The following CCAR1 variants were observed in gnomAD, a reference collection of about 807,000 sequenced individuals.
The protein encoded by CCAR1 is cell division cycle and apoptosis regulator protein 1.
Under a neutral mutation model 163.8 loss-of-function variants are expected in CCAR1, and 78 were observed. The observed-to-expected ratio is 0.48, with a 90% CI of 0.40 to 0.57. CCAR1 has a LOEUF of 0.57. CCAR1 is among the 20% of genes least tolerant of loss of function. The probability of loss-of-function intolerance (pLI) is 0.00; values close to 1 mark genes in which losing one functional copy is unlikely to be tolerated. For synonymous variants in CCAR1, 443 were observed against 460.7 expected (o/e 0.96, Z 0.49); for missense variants, 1,019 against 1,365.2 (o/e 0.75, Z 4.00).
At chr10:68,773,176 T>C in intron 19 of CCAR1, 77 bp downstream of exon 19, 2 of 736,090 alleles carry the variant, frequency 2.7e-6, no homozygotes, top group Non-Finnish European at 4.5e-6. Context: ...TTCACTGAAA[T>C]CTATACTTTT....
intron 2 of CCAR1, 146 bp downstream of exon 2, chr10:68,722,723 A>G: frequency 1.6e-6 from 1 of 610,836 alleles, no homozygotes. Flanking sequence ...GGAGTTCGTA[A>G]CCAGCCTGGC....
At chr10:68,766,770 C>T (rs2056540939) in intron 17 of CCAR1, among the ~76,000 whole-genome samples, 1 of 152,192 alleles carries the variant, frequency 6.6e-6, no homozygotes, top group African/African-American at 2.4e-5. Flanking sequence ...GGTGATCTGC[C>T]CGCCTCAGCC....
chr10:68,789,934 T>G lies in CCAR1; in HGVS notation c.3393+19T>G. The G allele has an allele frequency of 6.8e-7, 1 of 1,474,108 alleles. No homozygotes were observed. The highest frequency in any genetic ancestry group is 9.2e-7 in the Non-Finnish European group (1 of 1,090,610). The allele number at this position is 1,474,108 out of a possible 1,614,324, so 91.3% of individuals were successfully genotyped here. ...CAAGAAGGTGAGAAATTTTGTACTT[T>G]TAACATTTTCTTAGTTTTAAAAATC... On this transcript the variant is annotated intron_variant, in intron 24 of 24. Coordinates refer to ENST00000265872, the MANE Select transcript of CCAR1 (RefSeq NM_018237.4).
chr10:68,729,505 G>A (rs2056002818), intron 2 of CCAR1, among the ~76,000 whole-genome samples: 1 of 151,806 alleles, frequency 6.6e-6, no homozygotes, highest in Admixed American at 6.6e-5. Flanking sequence ...TCCTGACCTT[G>A]TGATCCACCC....
intron 2 of CCAR1, among the ~76,000 whole-genome samples, chr10:68,732,832 G>A (rs1190317086): frequency 6.6e-6 from 1 of 152,084 alleles, no homozygotes; most frequent in Non-Finnish European, 1.5e-5. Flanking sequence ...ATGCTGAGGC[G>A]AGAGGATTGC....
At chr10:68,770,293 G>T (rs2056585982) in intron 17 of CCAR1, among the ~76,000 whole-genome samples, 1 of 152,112 alleles carries the variant, frequency 6.6e-6, no homozygotes, top group Admixed American at 6.6e-5. Flanking sequence ...TCATGATTTG[G>T]TTATTTATTC....
In CCAR1 at chr10:68,786,146, G is replaced by A; in HGVS notation, c.2661G>A (p.Glu887=). ...ATATTTATTTTACAGATAGGGATGA[G>A]GAAGAAATGACCAAACGAGATGACA... ...EAEDEEDDRD[E]EEMTKRDDKR... The change falls in exon 20 of 25, where the codon GAG becomes GAA. Residue 887 remains glutamate (E), a synonymous_variant. Coordinates refer to ENST00000265872, the MANE Select transcript of CCAR1 (RefSeq NM_018237.4). The A allele has an allele frequency of 6.2e-7, 1 of 1,610,326 alleles. No individual in the cohort carries two copies. The highest frequency in any genetic ancestry group is 8.5e-7 in the Non-Finnish European group (1 of 1,177,110).
In CCAR1 at chr10:68,749,527, T is replaced by TGA. The variant is rs147413396; in HGVS notation, c.973_974dup (p.Arg326LysfsTer47). 2 of 1,593,696 alleles carry TGA rather than the reference T, an allele frequency of 1.3e-6. No homozygotes were observed. Among genetic ancestry groups the TGA allele is most frequent in the Non-Finnish European group, 8.6e-7 (1 of 1,168,934 alleles). ...TTTTAGAAAAATTTGCTTTCAGTCG[T>TGA]GAGAGAGAGAGAGAAAGACGTAGAT... On this transcript the variant is annotated frameshift_variant, in exon 10 of 25. Transcript: ENST00000265872.
At chr10:68,736,299 A>G (rs190940618) in intron 2 of CCAR1, among the ~76,000 whole-genome samples, 2 of 150,422 alleles carry the variant, frequency 1.3e-5, no homozygotes, top group Admixed American at 1.3e-4. Context: ...TGGAATGGCT[A>G]AATCAAGCTA....
At position 68,787,999 on chromosome 10, in the gene CCAR1, G is replaced by A; in HGVS notation, c.2953G>A (p.Asp985Asn). 1 of 1,613,006 alleles carries A rather than the reference G, an allele frequency of 6.2e-7. No homozygotes were observed. The highest frequency in any genetic ancestry group is 8.5e-7 in the Non-Finnish European group (1 of 1,179,354). ...FYRKLTDTSK[D>N]EENHEESESL... ...CCGGAAATTAACAGACACCTCAAAA[G>A]ATGAAGAGAACCATGAAGAGTCTGA... The change falls in exon 22 of 25, where the codon GAT becomes AAT. Residue 985 changes from aspartate (D) to asparagine (N), a missense_variant. Transcript: ENST00000265872.
chr10:68,792,094 A>G lies in CCAR1; in HGVS notation c.*828A>G, dbSNP rs1170442695. ...CTCAAAAAGAAAAAAAAAAAAAATCAGTTTATTTGAAAGACAGTATATCAG... is the reference window on the plus strand; with the variant it reads ...CTCAAAAAGAAAAAAAAAAAAAATCGGTTTATTTGAAAGACAGTATATCAG... On this transcript the variant is annotated 3_prime_UTR_variant, in exon 25 of 25. Transcript: ENST00000265872. 6.6e-6 allele frequency: 1 copy of G among 151,936 alleles called. No homozygotes were observed. The highest frequency in any genetic ancestry group is 1.5e-5 in the Non-Finnish European group (1 of 68,028). 9.4% of individuals were successfully genotyped at this position (151,936 alleles called of 1,614,324 possible).
At position 68,749,149 on chromosome 10, in the gene CCAR1, G is replaced by A. The variant is rs1180930386; in HGVS notation, c.840G>A (p.Gln280=). 1 of 1,613,782 alleles carries A rather than the reference G, an allele frequency of 6.2e-7. No homozygotes were observed. Among genetic ancestry groups the A allele is most frequent in the East Asian group, 2.2e-5 (1 of 44,876 alleles). The change falls in exon 9 of 25, where the codon CAG becomes CAA. Residue 280 remains glutamine (Q), a synonymous_variant. Coordinates refer to ENST00000265872, the MANE Select transcript of CCAR1 (RefSeq NM_018237.4). ...QQPQQKAGLL[Q]PPVRIVSQPQ... The stretch of plus-strand genomic sequence containing the variant: ...TATCTTTTAAAGCTGGTTTATTGCA[G>A]CCTCCTGTTCGTATAGTTTCACAGC...
intron 2 of CCAR1, among the ~76,000 whole-genome samples, chr10:68,725,029 T>G (rs544839699): frequency 1.4e-4 from 21 of 152,100 alleles, no homozygotes; most frequent in African/African-American, 4.3e-4. Flanking sequence ...TCCCAACTAC[T>G]TGGGATGCTG....
chr10:68,751,821 A>G lies in CCAR1; in HGVS notation c.1119-2031A>G, dbSNP rs564332789. The stretch of plus-strand genomic sequence containing the variant: ...AGAGATTGCAGTGTGCCGAGATTGC[A>G]CCACTGCACTCCAGCCTGGGAGACA... On this transcript the variant is annotated intron_variant, in intron 10 of 24. Coordinates refer to ENST00000265872, the MANE Select transcript of CCAR1 (RefSeq NM_018237.4). Among the ~76,000 whole-genome samples, 111 of 151,362 alleles carry G rather than the reference A, an allele frequency of 7.3e-4. 1 individual carries two copies. In the South Asian group the frequency reaches 7.6e-3, roughly 10 times the overall value.
intron 15 of CCAR1, among the ~76,000 whole-genome samples, chr10:68,758,613 GTGTA>G (rs1336868210): frequency 2.2e-5 from 3 of 134,080 alleles, no homozygotes; most frequent in African/African-American, 9.2e-5. Context: ...ATATACGTGT[GTGTA>G]TATATATATA....
At position 68,761,200 on chromosome 10, in the gene CCAR1, C is replaced by T; in HGVS notation, c.2106+8C>T. ...TCTGAAGACGATAAAGAGGTATGTA[C>T]TCAATCTATTATTATACTCTATGGT... On this transcript the variant is annotated splice_region_variant and intron_variant, in intron 16 of 24. Coordinates refer to ENST00000265872, the MANE Select transcript of CCAR1 (RefSeq NM_018237.4). The T allele has an allele frequency of 1.9e-6, 3 of 1,555,118 alleles. No individual in the cohort carries two copies. The highest frequency in any genetic ancestry group is 2.6e-6 in the Non-Finnish European group (3 of 1,144,996).
Position 68,788,054 on chromosome 10 carries a change from G to A in CCAR1, c.3001+7G>A. 1.3e-6 allele frequency: 2 copies of A among 1,579,288 alleles called. No homozygotes were observed. The highest frequency in any genetic ancestry group is 1.7e-6 in the Non-Finnish European group (2 of 1,168,998). On this transcript the variant is annotated splice_region_variant and intron_variant, in intron 22 of 24. Coordinates refer to ENST00000265872, the MANE Select transcript of CCAR1 (RefSeq NM_018237.4). The stretch of plus-strand genomic sequence containing the variant: ...TTGCAGGAAGATATGCTAGGTCTGA[G>A]TAATATTAAGATTTTGCTTTTTAAT...
chr10:68,721,521 G>A (rs1029296808), intron 1 of CCAR1: 23 of 443,608 alleles, frequency 5.2e-5, no homozygotes, highest in African/African-American at 1.0e-4. Context: ...TGCCCCCAGC[G>A]CCCCTCAGCC....
intron 3 of CCAR1, 85 bp downstream of exon 3, chr10:68,737,133 T>A: frequency 3.4e-6 from 3 of 874,534 alleles, no homozygotes; most frequent in East Asian, 5.3e-5. Flanking sequence ...ATTTTACAGG[T>A]AGTGAAGAAT....
Sources: allele counts gnomAD v4.1 joint callset (sites outside exome capture counted in the v4.1 genomes callset), GRCh38; gene constraint gnomAD v4.1.1; transcripts MANE v1.5; gene names NCBI Gene and HGNC (gene_info 2026-07-23, HGNC 2026-07-21).